Variants in CDKL1 observed in about 807,000 individuals in gnomAD.
CDKL1 encodes cyclin-dependent kinase-like 1.
A neutral mutation model predicts 42.0 loss-of-function variants in CDKL1; 41 were observed. That is an observed-to-expected ratio of 0.98 (90% CI 0.76 to 1.27). The LOEUF (loss-of-function observed/expected upper bound fraction) is 1.27. CDKL1 is among the 50% of genes most tolerant of loss of function. The pLI, the probability that CDKL1 is intolerant of heterozygous loss-of-function variation, is 0.00. For missense variants in CDKL1, 394 were observed against 428.4 expected (o/e 0.92, Z 0.71); for synonymous variants, 153 against 158.6 (o/e 0.96, Z 0.26).
Position 50,372,101 on chromosome 14 carries a change from TTTTTGTTTTG to T in CDKL1, c.169-12962_169-12953del, listed in dbSNP as rs567936828. Among the ~76,000 whole-genome samples, 928 of 151,072 alleles carry T rather than the reference TTTTTGTTTTG, an allele frequency of 6.1e-3. 9 individuals are homozygous for T. Among genetic ancestry groups the T allele is most frequent in the African/African-American group, 0.021 (864 of 41,342 alleles). ...TTGAGTGTATTATATGTTTTGGGTA[TTTTTGTTTTG>T]TTTTGTTTTGTTTTGTTTTTGAGAC... On this transcript the variant is annotated intron_variant, in intron 2 of 9. Transcript: ENST00000395834.
At position 50,395,940 on chromosome 14, in the gene CDKL1, T is replaced by G; in HGVS notation, c.-72A>C. 1 of 1,417,636 alleles carries G rather than the reference T, an allele frequency of 7.1e-7. No homozygotes were observed. The highest frequency in any genetic ancestry group is 1.2e-5 in the South Asian group (1 of 86,110). The allele number at this position is 1,417,636 out of a possible 1,614,324, so 87.8% of individuals were successfully genotyped here. A position where few individuals can be genotyped will look rare whatever the true frequency, so the allele number is the denominator to read the frequency against. On this transcript the variant is annotated 5_prime_UTR_variant, in exon 2 of 10. Coordinates refer to ENST00000395834, the MANE Select transcript of CDKL1 (RefSeq NM_004196.7). ...TGGCTCACGCCTGTAATCCCAGCAC[T>G]TTGGGAGGCTGAGGCGGGCAGATCA...
chr14:50,377,420 G>C (rs1282488237), intron 2 of CDKL1: 1 of 302,686 alleles, frequency 3.3e-6, no homozygotes, highest in Non-Finnish European at 5.4e-6. Context: ...CTCCTTCCTT[G>C]TTTTCTCCCC....
intron 6 of CDKL1, among the ~76,000 whole-genome samples, chr14:50,340,528 G>A (rs2033475878): frequency 6.6e-6 from 1 of 152,112 alleles, no homozygotes; most frequent in African/African-American, 2.4e-5. Flanking sequence ...GAAAGGAAAG[G>A]GCACTGGGGT....
Position 50,341,077 on chromosome 14 carries a change from C to A in CDKL1, c.610G>T (p.Gly204Ter), listed in dbSNP as rs1444804998. 1.2e-6 allele frequency: 2 copies of A among 1,614,098 alleles called. No homozygotes were observed. The highest frequency in any genetic ancestry group is 3.3e-5 in the Admixed American group (2 of 60,026). ...TACAGCTGATCCACATCCGATTTTCCTGGCCACAGAGGCACTCCTGACAGC... is the reference window on the plus strand; with the variant it reads ...TACAGCTGATCCACATCCGATTTTCATGGCCACAGAGGCACTCCTGACAGC... ...ELLSGVPLWPGKSDVDQLYLI... is the reference protein window; with the variant it reads ...ELLSGVPLWP The change falls in exon 6 of 10, where the codon GGA becomes TGA. Residue 204 changes from glycine (G) to a stop codon, truncating the protein, a stop_gained. Coordinates refer to ENST00000395834, the MANE Select transcript of CDKL1 (RefSeq NM_004196.7). LOFTEE classifies it high-confidence loss of function.
At chr14:50,378,074 A>T in intron 2 of CDKL1, 1 of 1,081,780 alleles carries the variant, frequency 9.2e-7, no homozygotes, top group Non-Finnish European at 1.2e-6. Flanking sequence ...AGGGACATCT[A>T]CGAGAAAGAG....
At chr14:50,348,218 C>G (rs141359736) in intron 3 of CDKL1, among the ~76,000 whole-genome samples, 422 of 152,294 alleles carry the variant, frequency 2.8e-3, no homozygotes, top group African/African-American at 9.8e-3. Context: ...CAGAAAGAAT[C>G]CTCAAAAGGC....
intron 4 of CDKL1, chr14:50,342,822 G>T (rs1345440627): frequency 2.0e-5 from 23 of 1,159,054 alleles, no homozygotes; most frequent in Non-Finnish European, 2.3e-5. Context: ...GAGAAGGGTG[G>T]CAACCACAGC....
chr14:50,336,935 T>C (rs970639769), intron 7 of CDKL1, among the ~76,000 whole-genome samples: 2 of 152,208 alleles, frequency 1.3e-5, no homozygotes, highest in African/African-American at 4.8e-5. Flanking sequence ...AATATATGTA[T>C]ATATGCATTG....
intron 2 of CDKL1, among the ~76,000 whole-genome samples, chr14:50,391,392 A>G (rs116186707): frequency 7.2e-4 from 109 of 152,128 alleles, no homozygotes; most frequent in African/African-American, 2.6e-3. Context: ...AGGAGAGTGT[A>G]TGTAAAGAAT....
At position 50,332,431 on chromosome 14, in the gene CDKL1, C is replaced by A; in HGVS notation, c.797G>T (p.Gly266Val). The change falls in exon 9 of 10, where the codon GGC becomes GTC. Residue 266 changes from glycine (G) to valine (V), a missense_variant and splice_region_variant. Coordinates refer to ENST00000395834, the MANE Select transcript of CDKL1 (RefSeq NM_004196.7). Reference sequence around the variant, plus strand: ...TTGAGTAGGGTCCATGTGGAGACAGCCCTAAAAGAACAGAAAATTCCTTCT... The same window carrying A: ...TTGAGTAGGGTCCATGTGGAGACAGACCTAAAAGAACAGAAAATTCCTTCT... Reference protein sequence around the residue: ...ISYPALGLLKGCLHMDPTQRL... With the variant: ...ISYPALGLLKVCLHMDPTQRL... The A allele has an allele frequency of 6.3e-7, 1 of 1,592,584 alleles. No homozygotes were observed. The highest frequency in any genetic ancestry group is 1.9e-5 in the Admixed American group (1 of 54,012).
At chr14:50,340,964 G>C in intron 6 of CDKL1, 68 bp downstream of exon 6, 2 of 1,552,196 alleles carry the variant, frequency 1.3e-6, no homozygotes, top group East Asian at 4.6e-5. Flanking sequence ...CTGAGAACTT[G>C]GCTCTGCCCT....
intron 7 of CDKL1, among the ~76,000 whole-genome samples, chr14:50,338,410 T>G (rs1282570996): frequency 6.6e-6 from 1 of 152,104 alleles, no homozygotes; most frequent in East Asian, 1.9e-4. Context: ...GTAATTTTAG[T>G]AGAGACAGTG....
intron 3 of CDKL1, chr14:50,357,995 G>A: frequency 7.8e-7 from 1 of 1,287,396 alleles, no homozygotes; most frequent in Non-Finnish European, 1.1e-6. Context: ...GCTGAGGAGT[G>A]GGTGGGAGCT....
At chr14:50,396,926 C>G (rs1411194245), upstream of CDKL1, 7 of 328,680 alleles carry the variant, frequency 2.1e-5, no homozygotes, top group Admixed American at 1.2e-4. Flanking sequence ...AACCGGCTCC[C>G]GCCCCGGGTC....
chr14:50,335,944 T>C (rs1566573930), intron 7 of CDKL1: 1 of 1,336,728 alleles, frequency 7.5e-7, no homozygotes, highest in Admixed American at 2.2e-5. Context: ...CTAAAGTAGG[T>C]TTGTATTAGC....
chr14:50,339,502 A>AAGGAAGAGAGGGAGGG (rs1227781989), intron 6 of CDKL1, among the ~76,000 whole-genome samples: 1 of 137,262 alleles, frequency 7.3e-6, no homozygotes, highest in African/African-American at 2.6e-5. Flanking sequence ...ATATTTGAAG[A>AAGGAAGAGAGGGAGGG]AGGAAGAGAG....
At chr14:50,336,644 T>C (rs1261910242) in intron 7 of CDKL1, among the ~76,000 whole-genome samples, 1 of 152,214 alleles carries the variant, frequency 6.6e-6, no homozygotes, top group Non-Finnish European at 1.5e-5. Flanking sequence ...AGTGAGAAAC[T>C]GGAGGGTTAG....
chr14:50,397,004 GCTGC>G (rs1431084203), upstream of CDKL1: 120 of 1,114,388 alleles, frequency 1.1e-4, no homozygotes, highest in African/African-American at 1.8e-3. Flanking sequence ...CGCCCTCCCG[GCTGC>G]AGGGAAAGGC....
intron 9 of CDKL1, 72 bp from the exon 10 acceptor site, chr14:50,330,253 CA>C (rs1161298159): frequency 5.2e-6 from 8 of 1,531,890 alleles, no homozygotes; most frequent in South Asian, 5.0e-5. Flanking sequence ...GAATATATCA[CA>C]AAAGAGGTAA....
Sources: allele counts gnomAD v4.1 joint callset (sites outside exome capture counted in the v4.1 genomes callset), GRCh38; gene constraint gnomAD v4.1.1; transcripts MANE v1.5; gene names NCBI Gene and HGNC (gene_info 2026-07-23, HGNC 2026-07-21).